PDLIM5: variants seen among roughly 807,000 people sequenced by gnomAD.
PDLIM5 encodes PDZ and LIM domain protein 5.
In PDLIM5, 34 loss-of-function variants were observed where a neutral mutation model predicts 64.2. The observed-to-expected ratio is 0.53, with a 90% CI of 0.40 to 0.71. The LOEUF (loss-of-function observed/expected upper bound fraction) is 0.71, where lower values mean the gene tolerates loss of function less well. PDLIM5 is among the 30% of genes least tolerant of loss of function. The probability of loss-of-function intolerance (pLI) is 0.00; values close to 1 mark genes in which losing one functional copy is unlikely to be tolerated. For synonymous variants in PDLIM5, 253 were observed against 269.1 expected (o/e 0.94, Z 0.59); for missense variants, 683 against 733.6 (o/e 0.93, Z 0.80).
At chr4:94,515,865 C>T (rs951773387) in intron 2 of PDLIM5, among the ~76,000 whole-genome samples, 1 of 152,146 alleles carries the variant, frequency 6.6e-6, no homozygotes, top group African/African-American at 2.4e-5. Context: ...TATATAGAAA[C>T]ACTGATTTCT....
chr4:94,570,100 G>A (rs907175028), intron 3 of PDLIM5, among the ~76,000 whole-genome samples: 33 of 151,922 alleles, frequency 2.2e-4, no homozygotes, highest in African/African-American at 8.0e-4. Context: ...AATTCTTAAA[G>A]AAGTATTATA....
At chr4:94,653,769 G>T (rs1211947050) in intron 9 of PDLIM5, among the ~76,000 whole-genome samples, 1 of 151,904 alleles carries the variant, frequency 6.6e-6, no homozygotes, top group Non-Finnish European at 1.5e-5. Flanking sequence ...TCATTTTAAG[G>T]GTTCTTACCA....
intron 2 of PDLIM5, among the ~76,000 whole-genome samples, chr4:94,475,888 C>T (rs1331006215): frequency 2.0e-5 from 3 of 152,124 alleles, no homozygotes; most frequent in African/African-American, 7.2e-5. Flanking sequence ...GACATAGCCT[C>T]TATATTTCAA....
At chr4:94,620,608 GTTAA>G (rs1420623685) in intron 8 of PDLIM5, among the ~76,000 whole-genome samples, 1 of 151,996 alleles carries the variant, frequency 6.6e-6, no homozygotes, top group Non-Finnish European at 1.5e-5. Flanking sequence ...GAATTTTTTA[GTTAA>G]TTAAGTAGGA....
At chr4:94,468,623 T>C (rs1205133405) in intron 2 of PDLIM5, among the ~76,000 whole-genome samples, 1 of 152,178 alleles carries the variant, frequency 6.6e-6, no homozygotes, top group African/African-American at 2.4e-5. Context: ...TGTTTTTAGG[T>C]GCATATGTCT....
chr4:94,587,386 C>A, intron 7 of PDLIM5: 1 of 1,104,110 alleles, frequency 9.1e-7, no homozygotes, highest in Admixed American at 5.3e-5. Context: ...GAATTATTTT[C>A]ATAAGTTGAA....
chr4:94,527,776 C>T (rs1294184349), intron 3 of PDLIM5, among the ~76,000 whole-genome samples: 3 of 152,296 alleles, frequency 2.0e-5, no homozygotes, highest in African/African-American at 7.2e-5. Context: ...CTTTTGTACC[C>T]CCTTCCTTGT....
intron 9 of PDLIM5, among the ~76,000 whole-genome samples, chr4:94,646,636 A>G (rs1741435316): frequency 6.6e-6 from 1 of 152,236 alleles, no homozygotes; most frequent in Non-Finnish European, 1.5e-5. Flanking sequence ...GGTAAGGATT[A>G]TCCAACTTTA....
intron 2 of PDLIM5, among the ~76,000 whole-genome samples, chr4:94,523,295 C>G (rs978580827): frequency 1.3e-5 from 2 of 152,126 alleles, no homozygotes; most frequent in Non-Finnish European, 2.9e-5. Flanking sequence ...CCTCTTTGTG[C>G]TCAAACAAAA....
intron 7 of PDLIM5, among the ~76,000 whole-genome samples, chr4:94,617,458 C>T (rs1000642390): frequency 6.6e-6 from 1 of 151,726 alleles, no homozygotes; most frequent in African/African-American, 2.4e-5. Flanking sequence ...GCACAACCAA[C>T]GTTTGGCATA....
chr4:94,516,090 A>G (rs182517119), intron 2 of PDLIM5, among the ~76,000 whole-genome samples: 22 of 152,356 alleles, frequency 1.4e-4, no homozygotes, highest in Admixed American at 6.5e-5. Flanking sequence ...ACTTTGGTAG[A>G]GTAGAGTAAG....
At chr4:94,484,014 T>G (rs1328397382) in intron 2 of PDLIM5, among the ~76,000 whole-genome samples, 3 of 152,194 alleles carry the variant, frequency 2.0e-5, no homozygotes, top group Non-Finnish European at 4.4e-5. Context: ...GAGAGACACT[T>G]GAGACCTTAG....
At chr4:94,557,846 C>T (rs1180795851) in intron 3 of PDLIM5, among the ~76,000 whole-genome samples, 1 of 152,158 alleles carries the variant, frequency 6.6e-6, no homozygotes, top group Non-Finnish European at 1.5e-5. Flanking sequence ...ATCATGTCAT[C>T]TGCAAACAGG....
At chr4:94,583,608 T>G (rs543072396) in intron 5 of PDLIM5, among the ~76,000 whole-genome samples, 56 of 152,308 alleles carry the variant, frequency 3.7e-4, no homozygotes, top group Non-Finnish European at 7.8e-4. Flanking sequence ...AACATTTTGT[T>G]CATTTTTAAA....
chr4:94,594,832 C>T (rs1250778156), intron 7 of PDLIM5, among the ~76,000 whole-genome samples: 1 of 152,040 alleles, frequency 6.6e-6, no homozygotes, highest in Non-Finnish European at 1.5e-5. Context: ...TTCTTTATCT[C>T]CCTTGCTTAA....
intron 7 of PDLIM5, among the ~76,000 whole-genome samples, chr4:94,596,881 CAT>C (rs770845213): frequency 1.3e-5 from 2 of 152,072 alleles, no homozygotes; most frequent in Non-Finnish European, 2.9e-5. Flanking sequence ...AAATTAGTCT[CAT>C]GTGTCCATGT....
At chr4:94,659,841 G>A (rs542753519) in intron 11 of PDLIM5, among the ~76,000 whole-genome samples, 10 of 151,062 alleles carry the variant, frequency 6.6e-5, no homozygotes, top group African/African-American at 2.2e-4. Context: ...AATAGTTTTT[G>A]AAATGTGAAT....
chr4:94,555,899 TTATTTA>T (rs1290285635), intron 3 of PDLIM5, among the ~76,000 whole-genome samples: 4 of 151,132 alleles, frequency 2.6e-5, no homozygotes, highest in African/African-American at 9.7e-5. Flanking sequence ...ATTTTTATTT[TTATTTA>T]TATATATATT....
chr4:94,547,173 C>T (rs1732396899), intron 3 of PDLIM5, among the ~76,000 whole-genome samples: 1 of 152,098 alleles, frequency 6.6e-6, no homozygotes, highest in Non-Finnish European at 1.5e-5. Flanking sequence ...GCTGCTGTAA[C>T]AAATTACCAA....
Sources: allele counts gnomAD v4.1 joint callset (sites outside exome capture counted in the v4.1 genomes callset), GRCh38; gene constraint gnomAD v4.1.1; transcripts MANE v1.5; gene names NCBI Gene and HGNC (gene_info 2026-07-23, HGNC 2026-07-21).